Variants in GSG1 observed in about 807,000 individuals in gnomAD.
The protein encoded by GSG1 is germ cell-specific gene 1 protein.
GSG1 carries 28 observed loss-of-function variants against 30.8 expected under a neutral mutation model. The ratio of observed to expected loss-of-function variants is 0.91; its 90% CI spans 0.67 to 1.25. The LOEUF is 1.25. Ranked by LOEUF, GSG1 falls within the 50% of genes most tolerant of loss-of-function variation. The probability of loss-of-function intolerance (pLI) is 0.00; values close to 1 mark genes in which losing one functional copy is unlikely to be tolerated. For missense variants in GSG1, 435 were observed against 444.7 expected (o/e 0.98, Z 0.20); for synonymous variants, 162 against 178.0 (o/e 0.91, Z 0.71).
intron 1 of GSG1, among the ~76,000 whole-genome samples, chr12:13,100,349 T>G (rs1241413047): frequency 1.3e-5 from 2 of 152,204 alleles, no homozygotes; most frequent in East Asian, 3.8e-4. Flanking sequence ...ACCCTAAGCC[T>G]TTCCAGGCAG....
intron 1 of GSG1, among the ~76,000 whole-genome samples, chr12:13,096,367 G>A (rs946476311): frequency 2.0e-5 from 3 of 151,860 alleles, no homozygotes; most frequent in East Asian, 3.9e-4. Context: ...CCAGCTACTC[G>A]GGAGGCTGAG....
At chr12:13,097,839 C>T (rs531851946) in intron 1 of GSG1, among the ~76,000 whole-genome samples, 7 of 152,324 alleles carry the variant, frequency 4.6e-5, no homozygotes, top group Non-Finnish European at 7.4e-5. Context: ...TCCCCCTCTT[C>T]CAGACTAGCC....
rs781330612 is a variant in GSG1 at position 13,090,767 on chromosome 12, G to A, written c.100C>T (p.Leu34Phe). The A allele has an allele frequency of 3.1e-5, 50 of 1,614,082 alleles. No individual in the cohort carries two copies. In the Middle Eastern group the frequency reaches 9.9e-4, roughly 32 times the overall value. Reference protein sequence around the residue: ...SGQRTLLSAILSMLSLSFSTT... With the variant: ...SGQRTLLSAIFSMLSLSFSTT... Reference sequence around the variant, plus strand: ...GAGAAGCTGAGTGATAGCATGCTGAGGATGGCAGATAGGAGTGTCCGCTGG... The same window carrying A: ...GAGAAGCTGAGTGATAGCATGCTGAAGATGGCAGATAGGAGTGTCCGCTGG... The change falls in exon 2 of 7, where the codon CTC (leucine) becomes TTC (phenylalanine). Residue 34 changes from leucine (L) to phenylalanine (F), a missense_variant. Leu to Phe is a conservative substitution (Grantham distance 22). Transcript: ENST00000651961.
intron 6 of GSG1, among the ~76,000 whole-genome samples, chr12:13,086,394 C>T (rs776486698): frequency 3.9e-5 from 6 of 152,156 alleles, no homozygotes; most frequent in Admixed American, 6.5e-5. Flanking sequence ...CTTCCTTCCC[C>T]GAATGGAAAC....
Position 13,085,171 on chromosome 12 carries a change from C to T in GSG1, c.819G>A (p.Val273=), listed in dbSNP as rs1324304940. The T allele has an allele frequency of 1.9e-6, 3 of 1,614,172 alleles. No homozygotes were observed. In the East Asian group the frequency reaches 6.7e-5, roughly 36 times the overall value. The change falls in exon 7 of 7, where the codon GTG becomes GTA. Residue 273 remains valine, a synonymous_variant. Transcript: ENST00000651961. ...VTTFNTYTRM[V]LEFKCKHSKS... Reference sequence around the variant, plus strand: ...TACTATGCTTGCACTTGAACTCCAGCACCATCCTGGTGTACGTGTTGAAGG... The same window carrying T: ...TACTATGCTTGCACTTGAACTCCAGTACCATCCTGGTGTACGTGTTGAAGG...
Position 13,090,587 on chromosome 12 carries a change from A to G in GSG1, c.280T>C (p.Trp94Arg). 6.2e-7 allele frequency: 1 copy of G among 1,614,174 alleles called. No homozygotes were observed. The highest frequency in any genetic ancestry group is 8.5e-7 in the Non-Finnish European group (1 of 1,180,024). ...GAGAACCGGTCATCCCCAGTCTCCC[A>G]GTTGTATTGTACCACCTCCTGGGTG... Reference protein sequence around the residue: ...TSTQEVVQYNWETGDDRFSFR... With the variant: ...TSTQEVVQYNRETGDDRFSFR... The change falls in exon 2 of 7, where the codon TGG (tryptophan) becomes CGG (arginine). Residue 94 changes from tryptophan to arginine, a missense_variant. Transcript: ENST00000651961.
At chr12:13,095,763 A>C (rs1027807970) in intron 1 of GSG1, 3 of 1,534,890 alleles carry the variant, frequency 2.0e-6, no homozygotes, top group Non-Finnish European at 2.6e-6. Context: ...GGAGTGCCTC[A>C]TGATTAAATG....
chr12:13,091,042 C>G (rs1030109405), intron 1 of GSG1, among the ~76,000 whole-genome samples: 1 of 152,182 alleles, frequency 6.6e-6, no homozygotes, highest in Non-Finnish European at 1.5e-5. Flanking sequence ...GAAAACCATA[C>G]GCCCAAATGG....
At chr12:13,088,597 TA>T (rs1865779270) in intron 4 of GSG1, 1 of 719,444 alleles carries the variant, frequency 1.4e-6, no homozygotes, top group African/African-American at 1.8e-5. Context: ...CATTCCTGCA[TA>T]TGAATGAAAG....
chr12:13,089,149 G>C (rs1591628935), intron 3 of GSG1, 59 bp downstream of exon 3: 5 of 1,496,536 alleles, frequency 3.3e-6, no homozygotes, highest in African/African-American at 1.4e-5. Context: ...CACCTACATA[G>C]CTTAGTGTTC....
chr12:13,096,513 T>C (rs1173099082), intron 1 of GSG1, among the ~76,000 whole-genome samples: 1 of 150,220 alleles, frequency 6.7e-6, no homozygotes, highest in African/African-American at 2.5e-5. Flanking sequence ...CTATTAAGTA[T>C]CTCCCTCTAC....
At chr12:13,097,229 A>G (rs548521558) in intron 1 of GSG1, among the ~76,000 whole-genome samples, 33 of 152,230 alleles carry the variant, frequency 2.2e-4, no homozygotes, top group African/African-American at 7.7e-4. Flanking sequence ...ACTGCCTTCA[A>G]TCTCTTTTTA....
chr12:13,095,069 G>C (rs1347240730), intron 1 of GSG1, among the ~76,000 whole-genome samples: 1 of 152,210 alleles, frequency 6.6e-6, no homozygotes, highest in Admixed American at 6.5e-5. Context: ...CCACCAGGGA[G>C]AGACACAAGG....
At chr12:13,088,700 C>T (rs774009778) in intron 4 of GSG1, 162 bp downstream of exon 4, 2 of 1,583,606 alleles carry the variant, frequency 1.3e-6, no homozygotes, top group South Asian at 2.3e-5. Context: ...AGGCCCAAGT[C>T]AATGGTAACT....
Position 13,084,988 on chromosome 12 carries a change from G to C in GSG1, c.1002C>G (p.Ser334=), listed in dbSNP as rs372526990. The part of the protein sequence containing the change: ...HSVSEGVDFY[S]ELRNKGFQRG... ...TTTGAAATCCCTTGTTCCGCAGCTC[G>C]GAGTAGAAGTCGACTCCCTCAGAGA... Residue 334 remains serine (S), a synonymous_variant, in exon 7 of 7, where the codon TCC becomes TCG. Coordinates refer to ENST00000651961, the MANE Select transcript of GSG1 (RefSeq NM_001080555.4). 1.4e-5 allele frequency: 22 copies of C among 1,553,520 alleles called. No homozygotes were observed. The highest frequency in any genetic ancestry group is 1.8e-5 in the Non-Finnish European group (21 of 1,147,814).
At chr12:13,088,727 C>G (rs760774435) in intron 4 of GSG1, 135 bp downstream of exon 4, 2 of 1,609,486 alleles carry the variant, frequency 1.2e-6, no homozygotes, top group Non-Finnish European at 1.7e-6. Context: ...AATTCCTTAT[C>G]AGACACATAC....
intron 1 of GSG1, among the ~76,000 whole-genome samples, chr12:13,100,288 G>A (rs981885761): frequency 2.6e-5 from 4 of 152,190 alleles, no homozygotes; most frequent in Admixed American, 6.5e-5. Flanking sequence ...CTGGATTCAC[G>A]TATGTAAGAG....
chr12:13,089,315 CA>C lies in GSG1; in HGVS notation c.365-40del, dbSNP rs558290346. The C allele has an allele frequency of 4.2e-5, 65 of 1,550,164 alleles. No individual in the cohort carries two copies. The African/African-American group carries it at 7.7e-4, about 18-fold the overall frequency. ...TAATAAATATAAATGTAAATACACA[CA>C]TTTTTTTAATTCCTCTTCCATCTCG... On this transcript the variant is annotated intron_variant, in intron 2 of 6. Transcript: ENST00000651961.
chr12:13,098,608 C>G (rs901194423), intron 1 of GSG1, among the ~76,000 whole-genome samples: 2 of 151,738 alleles, frequency 1.3e-5, no homozygotes, highest in African/African-American at 4.8e-5. Flanking sequence ...GAGTTTTGTG[C>G]ACATTTTTCT....
Sources: allele counts gnomAD v4.1 joint callset (sites outside exome capture counted in the v4.1 genomes callset), GRCh38; gene constraint gnomAD v4.1.1; transcripts MANE v1.5; gene names NCBI Gene and HGNC (gene_info 2026-07-23, HGNC 2026-07-21).